Variants in KCNIP4 observed in about 807,000 individuals in gnomAD.
KCNIP4 encodes the protein Kv channel-interacting protein 4.
Under a neutral mutation model 34.0 loss-of-function variants are expected in KCNIP4, and 12 were observed. The observed-to-expected ratio is 0.35, with a 90% CI of 0.23 to 0.57. The LOEUF (loss-of-function observed/expected upper bound fraction) is 0.57, where lower values mean the gene tolerates loss of function less well. KCNIP4 is among the 20% of genes least tolerant of loss of function. KCNIP4 has a pLI of 0.83. For synonymous variants in KCNIP4, 124 were observed against 102.2 expected, an observed-to-expected ratio of 1.21 and a Z score of -1.29; for missense variants, 238 against 311.7, an observed-to-expected ratio of 0.76 and a Z score of 1.78.
At chr4:21,480,594 G>A (rs756331826) in intron 1 of KCNIP4, among the ~76,000 whole-genome samples, 1 of 152,068 alleles carries the variant, frequency 6.6e-6, no homozygotes, top group Non-Finnish European at 1.5e-5. Context: ...AAGTGGTAAG[G>A]CACAAAATAA....
At chr4:21,101,192 C>T (rs771723917) in intron 1 of KCNIP4, among the ~76,000 whole-genome samples, 68 of 152,124 alleles carry the variant, frequency 4.5e-4, no homozygotes, top group Non-Finnish European at 7.5e-4. Context: ...TCAGCTCCCA[C>T]TTATAAGTGA....
intron 1 of KCNIP4, among the ~76,000 whole-genome samples, chr4:21,873,782 A>G (rs1225315483): frequency 6.6e-6 from 1 of 152,246 alleles, no homozygotes; most frequent in Non-Finnish European, 1.5e-5. Context: ...GGAAGTTTCA[A>G]ATAAATAGGT....
intron 1 of KCNIP4, among the ~76,000 whole-genome samples, chr4:21,101,930 G>A (rs559228148): frequency 1.3e-5 from 2 of 152,198 alleles, no homozygotes; most frequent in South Asian, 2.1e-4. Flanking sequence ...GATGTTTCAT[G>A]GGAGAAAATG....
intron 1 of KCNIP4, among the ~76,000 whole-genome samples, chr4:21,461,122 G>T (rs1402887262): frequency 2.0e-5 from 3 of 152,038 alleles, no homozygotes; most frequent in Non-Finnish European, 4.4e-5. Flanking sequence ...AATCATGGAG[G>T]TGGTCTCTAA....
At chr4:21,362,686 G>C (rs1471570229) in intron 1 of KCNIP4, among the ~76,000 whole-genome samples, 1 of 152,160 alleles carries the variant, frequency 6.6e-6, no homozygotes, top group Non-Finnish European at 1.5e-5. Context: ...TGTCTCAGGA[G>C]TACAGCCAGG....
intron 1 of KCNIP4, among the ~76,000 whole-genome samples, chr4:21,240,237 G>T (rs1489830477): frequency 9.6e-6 from 1 of 104,198 alleles, no homozygotes; most frequent in African/African-American, 3.8e-5. Context: ...GGTGGGGGGA[G>T]GGGGGAGGGA....
chr4:20,806,050 C>A (rs899685418), intron 3 of KCNIP4, among the ~76,000 whole-genome samples: 1 of 151,940 alleles, frequency 6.6e-6, no homozygotes, highest in African/African-American at 2.4e-5. Flanking sequence ...AATAATAATT[C>A]TGTTCCATTA....
At chr4:20,758,571 T>C (rs1294043622) in intron 4 of KCNIP4, among the ~76,000 whole-genome samples, 1 of 152,212 alleles carries the variant, frequency 6.6e-6, no homozygotes, top group African/African-American at 2.4e-5. Flanking sequence ...ACATTGTGCA[T>C]TTGAGAGCCA....
intron 1 of KCNIP4, among the ~76,000 whole-genome samples, chr4:21,360,985 C>A (rs1297270525): frequency 3.9e-5 from 6 of 152,102 alleles, no homozygotes; most frequent in Admixed American, 2.6e-4. Flanking sequence ...GAGGTGTAAA[C>A]TGGCTCAAAT....
At chr4:21,646,962 T>TA (rs1020181291) in intron 1 of KCNIP4, among the ~76,000 whole-genome samples, 21 of 151,974 alleles carry the variant, frequency 1.4e-4, no homozygotes, top group Non-Finnish European at 2.4e-4. Flanking sequence ...TTTCCTAGAA[T>TA]AAAAAAAATC....
At chr4:21,830,349 G>T (rs1331234976) in intron 1 of KCNIP4, among the ~76,000 whole-genome samples, 1 of 152,032 alleles carries the variant, frequency 6.6e-6, no homozygotes, top group African/African-American at 2.4e-5. Context: ...AATATTAACA[G>T]ATTTGAAGGA....
intron 1 of KCNIP4, chr4:21,850,879 C>G (rs1724337905): frequency 6.6e-6 from 1 of 152,050 alleles, no homozygotes; most frequent in Admixed American, 6.6e-5. Flanking sequence ...GTGCACTCAA[C>G]ATTTGTGCAA....
intron 1 of KCNIP4, among the ~76,000 whole-genome samples, chr4:21,018,843 C>G (rs1269119028): frequency 6.6e-6 from 1 of 152,170 alleles, no homozygotes; most frequent in Non-Finnish European, 1.5e-5. Context: ...AGAGATATTT[C>G]AAGCTGAATT....
At chr4:21,896,456 G>T (rs899936529) in intron 1 of KCNIP4, among the ~76,000 whole-genome samples, 21 of 152,108 alleles carry the variant, frequency 1.4e-4, no homozygotes, top group African/African-American at 4.8e-4. Flanking sequence ...AAGGTATCAT[G>T]GCATATTCTA....
chr4:21,191,388 T>A lies in KCNIP4; in HGVS notation c.62-308679A>T, dbSNP rs79735970. ...CTGGAAAGTATTCATAAATGATCAA[T>A]TGCCTATAGTTTAATGACGGAAGAT... On this transcript the variant is annotated intron_variant, in intron 1 of 8. Coordinates refer to ENST00000382152, the MANE Select transcript of KCNIP4 (RefSeq NM_025221.6). Among the ~76,000 whole-genome samples the A allele has an allele frequency of 3.1e-3, 467 of 152,334 alleles. 4 individuals carry two copies. The highest frequency in any genetic ancestry group is 0.01 in the Middle Eastern group (3 of 294).
At chr4:21,481,699 A>G (rs35571849) in intron 1 of KCNIP4, among the ~76,000 whole-genome samples, 41,370 of 152,030 alleles carry the variant, frequency 0.27, 6,123 homozygotes, top group African/African-American at 0.39. Flanking sequence ...GAAGAAGGGA[A>G]AAACACACGG....
chr4:21,940,730 C>T (rs561631585), intron 1 of KCNIP4, among the ~76,000 whole-genome samples: 10 of 152,278 alleles, frequency 6.6e-5, no homozygotes, highest in Non-Finnish European at 1.2e-4. Flanking sequence ...CATATATTCT[C>T]GCCTTTCTAA....
chr4:21,190,264 T>A (rs1305132940), intron 1 of KCNIP4, among the ~76,000 whole-genome samples: 2 of 152,236 alleles, frequency 1.3e-5, no homozygotes, highest in East Asian at 3.8e-4. Flanking sequence ...TTTAAGTAAC[T>A]CTGGGAAACA....
intron 1 of KCNIP4, among the ~76,000 whole-genome samples, chr4:21,499,330 C>CA (rs527385773): frequency 0.033 from 3,224 of 98,034 alleles, 127 homozygotes; most frequent in African/African-American, 0.11. Flanking sequence ...GACTCCATCT[C>CA]AAAAAAAAAA....
Sources: gnomAD v4.1 joint callset for allele counts (sites outside exome capture counted in the v4.1 genomes callset) on GRCh38, gnomAD v4.1.1 for gene constraint, MANE v1.5 for transcripts, NCBI Gene and HGNC (gene_info 2026-07-23, HGNC 2026-07-21) for gene names.